NFILZ: variants seen among roughly 807,000 people sequenced by gnomAD.
NFILZ encodes NFIL3 like basic leucine zipper.
intron 4 of NFILZ, among the ~76,000 whole-genome samples, chr19:8,675,587 G>A (rs2043106899): frequency 1.3e-5 from 2 of 152,200 alleles, no homozygotes; most frequent in Admixed American, 6.5e-5. Flanking sequence ...GGGCAACAAA[G>A]TGAGACCATG....
At chr19:8,632,994 A>G (rs1397033145) in intron 2 of NFILZ, among the ~76,000 whole-genome samples, 1 of 140,414 alleles carries the variant, frequency 7.1e-6, no homozygotes, top group Non-Finnish European at 1.5e-5. Context: ...AAGTGCTGGG[A>G]TTACAGGCAT....
intron 3 of NFILZ, among the ~76,000 whole-genome samples, chr19:8,670,727 G>T (rs2043082683): frequency 6.6e-6 from 1 of 152,120 alleles, no homozygotes; most frequent in South Asian, 2.1e-4. Flanking sequence ...AGGCGCTCTG[G>T]CTCATGCCTG....
At chr19:8,634,906 A>AAACAAAC (rs2042887977) in intron 2 of NFILZ, among the ~76,000 whole-genome samples, 1 of 119,784 alleles carries the variant, frequency 8.3e-6, no homozygotes, top group Non-Finnish European at 1.8e-5. Flanking sequence ...AACAAACAAA[A>AAACAAAC]AAACAAAAAA....
chr19:8,656,306 C>CCCCCTTCTTCCTGA (rs2042995032), intron 3 of NFILZ, among the ~76,000 whole-genome samples: 1 of 34,180 alleles, frequency 2.9e-5, no homozygotes. Context: ...CCTCCTCCCG[C>CCCCCTTCTTCCTGA]AGCGCACCTC....
At chr19:8,651,261 A>T (rs2042963718) in intron 3 of NFILZ, among the ~76,000 whole-genome samples, 1 of 151,812 alleles carries the variant, frequency 6.6e-6, no homozygotes, top group African/African-American at 2.4e-5. Flanking sequence ...TCCCAGGTTC[A>T]AGCGATTCTC....
At chr19:8,637,179 G>A (rs1555746184) in intron 3 of NFILZ, among the ~76,000 whole-genome samples, 1 of 152,082 alleles carries the variant, frequency 6.6e-6, no homozygotes, top group East Asian at 1.9e-4. Flanking sequence ...AGGCTGCAGT[G>A]AGCTAGGACT....
Position 8,652,961 on chromosome 19 carries a change from TTCCTTCC to T in NFILZ, c.-164+17216_-164+17222del, listed in dbSNP as rs1600145421. 9.8e-3 allele frequency among the ~76,000 whole-genome samples: 1,288 copies of T among 131,296 alleles called. 173 individuals carry two copies. The highest frequency in any genetic ancestry group is 0.028 in the Middle Eastern group (7 of 246). The allele number at this position is 131,296 out of a possible 152,430, so 86.1% of individuals were successfully genotyped here. Reference sequence around the variant, plus strand: ...CTCTCTTTCTCTCTCTTTCTTTCCCTTCCTTCCCTCCTTCCTTCCTTCCTTCCTTCCT... The same window carrying T: ...CTCTCTTTCTCTCTCTTTCTTTCCCTCTCCTTCCTTCCTTCCTTCCTTCCT... On this transcript the variant is annotated intron_variant, in intron 3 of 5. Transcript: ENST00000691075.
intron 3 of NFILZ, among the ~76,000 whole-genome samples, chr19:8,658,050 T>C (rs1555748682): frequency 6.6e-6 from 1 of 152,036 alleles, no homozygotes; most frequent in Non-Finnish European, 1.5e-5. Context: ...GGACCAGCCA[T>C]GCAGATATCT....
At chr19:8,661,533 A>G (rs2043031923) in intron 3 of NFILZ, among the ~76,000 whole-genome samples, 1 of 152,164 alleles carries the variant, frequency 6.6e-6, no homozygotes, top group South Asian at 2.1e-4. Context: ...ATCATTCCAC[A>G]CAGTACACAT....
intron 3 of NFILZ, among the ~76,000 whole-genome samples, chr19:8,654,596 C>T (rs1248454273): frequency 3.3e-5 from 5 of 151,810 alleles, no homozygotes; most frequent in African/African-American, 1.2e-4. Context: ...GCCTGGGTGA[C>T]AGAGAAAGCG....
intron 3 of NFILZ, among the ~76,000 whole-genome samples, chr19:8,643,685 G>C (rs2042928033): frequency 6.6e-6 from 1 of 152,108 alleles, no homozygotes; most frequent in African/African-American, 2.4e-5. Flanking sequence ...GACCTGGCTT[G>C]GAATCTGCAT....
intron 3 of NFILZ, among the ~76,000 whole-genome samples, chr19:8,637,612 C>CAAA (rs35527793): frequency 1.2e-4 from 17 of 142,624 alleles, no homozygotes; most frequent in African/African-American, 1.8e-4. Flanking sequence ...GACTCCATCT[C>CAAA]AAAAAAAAAA....
intron 1 of NFILZ, among the ~76,000 whole-genome samples, chr19:8,631,023 A>T (rs1218214268): frequency 6.6e-6 from 1 of 152,158 alleles, no homozygotes; most frequent in East Asian, 1.9e-4. Context: ...TTTCATGCAG[A>T]TCTTTTCAGA....
At chr19:8,654,352 T>G (rs1019336306) in intron 3 of NFILZ, among the ~76,000 whole-genome samples, 8 of 149,160 alleles carry the variant, frequency 5.4e-5, no homozygotes, top group African/African-American at 2.0e-4. Flanking sequence ...CAGTGGTGGC[T>G]TATGCCTGTA....
intron 3 of NFILZ, among the ~76,000 whole-genome samples, chr19:8,638,166 C>G (rs1468451691): frequency 6.6e-6 from 1 of 152,122 alleles, no homozygotes; most frequent in Admixed American, 6.6e-5. Flanking sequence ...CAGGCACACT[C>G]ACCCCTAGAT....
intron 3 of NFILZ, among the ~76,000 whole-genome samples, chr19:8,641,294 C>T (rs982803940): frequency 7.9e-5 from 12 of 152,092 alleles, no homozygotes; most frequent in Admixed American, 4.6e-4. Context: ...TCAAGCAATC[C>T]GCTCACCTCA....
chr19:8,672,437 G>A (rs1228580766), intron 3 of NFILZ, among the ~76,000 whole-genome samples: 4 of 148,838 alleles, frequency 2.7e-5, no homozygotes, highest in Non-Finnish European at 5.9e-5. Flanking sequence ...AATAATCCAT[G>A]CATTTGTTAG....
chr19:8,669,577 G>A (rs1438935143), intron 3 of NFILZ, among the ~76,000 whole-genome samples: 1 of 152,142 alleles, frequency 6.6e-6, no homozygotes, highest in Non-Finnish European at 1.5e-5. Flanking sequence ...TTGTTCCTCT[G>A]TGGAAACCAA....
intron 3 of NFILZ, among the ~76,000 whole-genome samples, chr19:8,664,085 T>C (rs1474210866): frequency 6.6e-6 from 1 of 152,136 alleles, no homozygotes; most frequent in African/African-American, 2.4e-5. Context: ...GAATTTCCAC[T>C]GCACGGCATC....
Sources: allele counts gnomAD v4.1 joint callset (sites outside exome capture counted in the v4.1 genomes callset), GRCh38; gene constraint gnomAD v4.1.1; transcripts MANE v1.5; gene names NCBI Gene and HGNC (gene_info 2026-07-23, HGNC 2026-07-21).